EPB41L2: variants seen among roughly 807,000 people sequenced by gnomAD.
EPB41L2 encodes the protein erythrocyte membrane protein band 4.1 like 2, also known as band 4.1-like protein 2.
Under a neutral mutation model 113.0 loss-of-function variants are expected in EPB41L2, and 43 were observed. The ratio of observed to expected loss-of-function variants is 0.38; its 90% CI spans 0.30 to 0.49. The LOEUF is 0.49. Among genes scored for constraint, EPB41L2 ranks in the 20% least tolerant of loss-of-function variants. EPB41L2 has a pLI of 0.95. For synonymous variants in EPB41L2, 442 were observed against 436.7 expected, an observed-to-expected ratio of 1.01 and a Z score of -0.15; for missense variants, 1,147 against 1,223.4, an observed-to-expected ratio of 0.94 and a Z score of 0.93.
chr6:130,926,440 G>A (rs1279031654), intron 4 of EPB41L2, among the ~76,000 whole-genome samples, 165 bp downstream of exon 4: 1 of 152,042 alleles, frequency 6.6e-6, no homozygotes, highest in Non-Finnish European at 1.5e-5. Flanking sequence ...GCTACAGGTG[G>A]TTTCTCTCTA....
intron 1 of EPB41L2, among the ~76,000 whole-genome samples, chr6:131,007,777 C>G (rs1402896963): frequency 6.6e-6 from 1 of 152,154 alleles, no homozygotes; most frequent in Admixed American, 6.5e-5. Context: ...ATCTGTGGAA[C>G]TTTGAACTTA....
chr6:131,030,957 T>C (rs916223683), intron 1 of EPB41L2, among the ~76,000 whole-genome samples: 11 of 150,576 alleles, frequency 7.3e-5, no homozygotes, highest in Non-Finnish European at 1.6e-4. Context: ...GGCATGGCAG[T>C]GGCACGCACC....
intron 1 of EPB41L2, among the ~76,000 whole-genome samples, chr6:131,054,858 G>A (rs777632264): frequency 1.3e-5 from 2 of 152,222 alleles, no homozygotes; most frequent in Admixed American, 6.5e-5. Flanking sequence ...CAAGAGCAGG[G>A]AGAAGGAGGT....
intron 3 of EPB41L2, among the ~76,000 whole-genome samples, chr6:130,949,283 T>A (rs1813988077): frequency 6.6e-6 from 1 of 151,966 alleles, no homozygotes; most frequent in Non-Finnish European, 1.5e-5. Context: ...AAATCACACC[T>A]ATAAAAAATC....
At chr6:131,016,616 G>T (rs901773682) in intron 1 of EPB41L2, among the ~76,000 whole-genome samples, 1 of 151,936 alleles carries the variant, frequency 6.6e-6, no homozygotes, top group African/African-American at 2.4e-5. Context: ...AAACAAGGGG[G>T]TCAGAAAATC....
chr6:130,941,603 C>T (rs1013231784), intron 3 of EPB41L2, among the ~76,000 whole-genome samples: 22 of 152,156 alleles, frequency 1.4e-4, no homozygotes, highest in Non-Finnish European at 4.4e-5. Flanking sequence ...CAGAGCAGTC[C>T]TATTTGATTC....
chr6:130,933,109 T>A (rs927951532), intron 3 of EPB41L2, among the ~76,000 whole-genome samples: 1 of 152,178 alleles, frequency 6.6e-6, no homozygotes, highest in Admixed American at 6.5e-5. Context: ...CTCTTAAGAG[T>A]AGGCCATACC....
At chr6:131,023,577 C>T (rs1333532806) in intron 1 of EPB41L2, among the ~76,000 whole-genome samples, 1 of 151,876 alleles carries the variant, frequency 6.6e-6, no homozygotes, top group African/African-American at 2.4e-5. Context: ...CCCAGCTATT[C>T]AGGAGGCTGA....
At chr6:130,861,390 T>C (rs752975761) in intron 18 of EPB41L2, among the ~76,000 whole-genome samples, 14 of 152,156 alleles carry the variant, frequency 9.2e-5, no homozygotes, top group Non-Finnish European at 1.3e-4. Context: ...CCTTTTAACG[T>C]AGGCAAGGAA....
chr6:130,960,542 TAAGAGCCTCAA>T (rs539061328), intron 1 of EPB41L2, among the ~76,000 whole-genome samples: 42 of 152,290 alleles, frequency 2.8e-4, no homozygotes, highest in Admixed American at 2.7e-3. Context: ...CCATAAGGGT[TAAGAGCCTCAA>T]AAGTGATGAT....
chr6:130,890,397 G>A lies in EPB41L2; in HGVS notation c.1557C>T (p.Gly519=), dbSNP rs370660183. The A allele has an allele frequency of 9.3e-6, 15 of 1,613,348 alleles. No homozygotes were observed. In the Middle Eastern group the frequency reaches 6.6e-4, roughly 71 times the overall value. Residue 519 remains glycine, a synonymous_variant, in exon 11 of 20, where the codon GGC becomes GGT. Transcript: ENST00000337057. ...CCTGGCGGGTCTGTGCTTGGGTGCGGCCACTATAGCGAAATTTGGACCCCA... is the reference window on the plus strand; with the variant it reads ...CCTGGCGGGTCTGTGCTTGGGTGCGACCACTATAGCGAAATTTGGACCCCA... ...LTLGSKFRYS[G]RTQAQTRQAS... is the part of the protein sequence containing the mutation.
intron 1 of EPB41L2, among the ~76,000 whole-genome samples, chr6:131,058,947 C>T (rs150275296): frequency 7.6e-4 from 116 of 152,044 alleles, no homozygotes; most frequent in African/African-American, 2.6e-3. Flanking sequence ...ACTGGGAAGA[C>T]GGAGGTTGCA....
intron 19 of EPB41L2, among the ~76,000 whole-genome samples, chr6:130,855,575 C>G (rs989485060): frequency 2.0e-5 from 3 of 152,030 alleles, no homozygotes; most frequent in East Asian, 1.9e-4. Flanking sequence ...ATAGAAAAGT[C>G]AACTGTATCT....
chr6:131,027,814 T>C (rs1200629417), intron 1 of EPB41L2, among the ~76,000 whole-genome samples: 2 of 152,180 alleles, frequency 1.3e-5, no homozygotes, highest in South Asian at 4.1e-4. Context: ...TTTTTAAAAA[T>C]TTTAAAAATT....
At chr6:131,061,736 G>T (rs1798687469) in intron 1 of EPB41L2, among the ~76,000 whole-genome samples, 1 of 151,918 alleles carries the variant, frequency 6.6e-6, no homozygotes, top group Non-Finnish European at 1.5e-5. Flanking sequence ...AAATCTGACA[G>T]AACACCAACT....
intron 1 of EPB41L2, among the ~76,000 whole-genome samples, chr6:130,983,448 T>C (rs1327714670): frequency 6.6e-6 from 1 of 152,078 alleles, no homozygotes; most frequent in Non-Finnish European, 1.5e-5. Flanking sequence ...CTAGGCTAGA[T>C]GGCATAGTCT....
chr6:130,954,650 G>T (rs777070984), intron 3 of EPB41L2, among the ~76,000 whole-genome samples: 1 of 152,064 alleles, frequency 6.6e-6, no homozygotes, highest in African/African-American at 2.4e-5. Flanking sequence ...CAGCACCAGC[G>T]CTAATGAACT....
chr6:130,944,899 A>C (rs1175419694), intron 3 of EPB41L2, among the ~76,000 whole-genome samples: 1 of 152,174 alleles, frequency 6.6e-6, no homozygotes, highest in Admixed American at 6.5e-5. Flanking sequence ...TGTGTTCTTC[A>C]AGCTGGACCA....
At chr6:130,925,819 C>T (rs560391264) in intron 4 of EPB41L2, among the ~76,000 whole-genome samples, 1 of 152,264 alleles carries the variant, frequency 6.6e-6, no homozygotes, top group South Asian at 2.1e-4. Flanking sequence ...ATTAAGAATA[C>T]TCATGTAGTA....
Sources: allele counts gnomAD v4.1 joint callset (sites outside exome capture counted in the v4.1 genomes callset), GRCh38; gene constraint gnomAD v4.1.1; transcripts MANE v1.5; gene names NCBI Gene and HGNC (gene_info 2026-07-23, HGNC 2026-07-21).